The following MTSS1 variants were observed in gnomAD, a reference collection of about 807,000 sequenced individuals.
The protein encoded by MTSS1 is MTSS I-BAR domain containing 1, also known as protein MTSS 1.
MTSS1 carries 18 observed loss-of-function variants against 79.0 expected under a neutral mutation model. The ratio of observed to expected loss-of-function variants is 0.23; its 90% confidence interval spans 0.16 to 0.34. The LOEUF is 0.34. MTSS1 is among the 10% of genes least tolerant of loss of function. The pLI, the probability that MTSS1 is intolerant of heterozygous loss-of-function variation, is 1.00. For synonymous variants in MTSS1, 341 were observed against 368.6 expected (o/e 0.93, Z 0.86); for missense variants, 815 against 986.2 (o/e 0.83, Z 2.33).
intron 3 of MTSS1, among the ~76,000 whole-genome samples, chr8:124,629,494 T>TGACAGAGAGA (rs199730322): frequency 0.3 from 37,977 of 126,522 alleles, 7,618 homozygotes; most frequent in African/African-American, 0.57. Context: ...CCAGCCTGAA[T>TGACAGAGAGA]GACTCCGTCT....
At chr8:124,591,046 T>A in intron 4 of MTSS1, 105 bp downstream of exon 4, 1 of 965,332 alleles carries the variant, frequency 1.0e-6, no homozygotes, top group Non-Finnish European at 1.6e-6. Context: ...ATGAGCCAAG[T>A]CAGACAGATT....
chr8:124,615,908 C>T (rs1836752874), intron 3 of MTSS1, among the ~76,000 whole-genome samples: 1 of 152,054 alleles, frequency 6.6e-6, no homozygotes, highest in African/African-American at 2.4e-5. Context: ...AGGCCAGCAC[C>T]CTTCTCCTGG....
intron 3 of MTSS1, among the ~76,000 whole-genome samples, chr8:124,652,272 C>T (rs982415655): frequency 2.0e-5 from 3 of 152,172 alleles, no homozygotes; most frequent in Non-Finnish European, 2.9e-5. Context: ...CTCCCAGGTT[C>T]AAGTGATTCT....
At chr8:124,559,345 G>A (rs3829034) in intron 10 of MTSS1, among the ~76,000 whole-genome samples, 32,796 of 152,032 alleles carry the variant, frequency 0.22, 3,942 homozygotes, top group East Asian at 0.36. Context: ...CGACTTCCTG[G>A]AGTCTCCTTT....
At chr8:124,568,869 T>A in intron 6 of MTSS1, 2 of 1,425,848 alleles carry the variant, frequency 1.4e-6, no homozygotes, top group Non-Finnish European at 1.8e-6. Context: ...GACAGCATTC[T>A]TTCCTTGCAG....
intron 3 of MTSS1, among the ~76,000 whole-genome samples, chr8:124,657,737 C>G (rs1192396386): frequency 3.3e-5 from 5 of 152,224 alleles, no homozygotes; most frequent in Non-Finnish European, 5.9e-5. Context: ...CCCCCAGGCA[C>G]CTACCTCCCT....
rs117139085 is a variant in MTSS1, at chr8:124,631,999, G to A, written c.209-40764C>T. Among the ~76,000 whole-genome samples, 1,166 of 152,306 alleles carry A rather than the reference G, an allele frequency of 7.7e-3. 15 individuals are homozygous for A. The highest frequency in any genetic ancestry group is 0.014 in the South Asian group (69 of 4,824). ...AGAGGAGAAAAGTTAAGGAGCATCCGGGTGCAGTGGCTCATTCCTGTAAGC... is the reference window on the plus strand; with the variant it reads ...AGAGGAGAAAAGTTAAGGAGCATCCAGGTGCAGTGGCTCATTCCTGTAAGC... On this transcript the variant is annotated intron_variant, in intron 3 of 13. Transcript: ENST00000518547.
intron 3 of MTSS1, among the ~76,000 whole-genome samples, chr8:124,607,884 CTTAA>C (rs1835143504): frequency 6.6e-6 from 1 of 151,578 alleles, no homozygotes; most frequent in African/African-American, 2.4e-5. Context: ...AAAGGGGGGG[CTTAA>C]TTATTACTTA....
At position 124,618,388 on chromosome 8, in the gene MTSS1, G is replaced by T. The variant is rs539946215; in HGVS notation, c.209-27153C>A. On this transcript the variant is annotated intron_variant, in intron 3 of 13. Transcript: ENST00000518547. ...TTTCTGGCCTTCATTCATGCCAAGA[G>T]TAAGCAACTGTTGCATCGTTCCACA... 1.2e-4 allele frequency among the ~76,000 whole-genome samples: 19 copies of T among 152,340 alleles called. No individual in the cohort carries two copies. In the South Asian group the frequency reaches 3.7e-3, roughly 30 times the overall value.
At chr8:124,601,725 G>C (rs929549641) in intron 3 of MTSS1, among the ~76,000 whole-genome samples, 1 of 152,196 alleles carries the variant, frequency 6.6e-6, no homozygotes, top group Non-Finnish European at 1.5e-5. Flanking sequence ...GCAGGGCAAG[G>C]CTGGGTACAC....
intron 3 of MTSS1, among the ~76,000 whole-genome samples, chr8:124,670,906 A>C (rs1250133983): frequency 2.6e-5 from 4 of 152,228 alleles, no homozygotes; most frequent in African/African-American, 9.6e-5. Flanking sequence ...CAGGAGTGCC[A>C]AAAGGCCAGG....
In MTSS1 at chr8:124,683,675, CG is replaced by C. The variant is rs1237082876; in HGVS notation, c.208+15850del. The stretch of plus-strand genomic sequence containing the variant: ...GCTGCAAATCTGTCAAGACACAGGG[CG>C]GGTGGAAACATCAGAAACCATCTTA... On this transcript the variant is annotated intron_variant, in intron 3 of 13. Transcript: ENST00000518547. This position sits in a 1 kb window ranked among gnomAD's most constrained non-coding sequence, Gnocchi z 4.5. Among the ~76,000 whole-genome samples the C allele has an allele frequency of 1.3e-5, 2 of 152,126 alleles. No individual in the cohort carries two copies. Among genetic ancestry groups the C allele is most frequent in the African/African-American group, 4.8e-5 (2 of 41,402 alleles).
intron 6 of MTSS1, chr8:124,580,097 A>G (rs1829747625): frequency 6.4e-6 from 1 of 156,146 alleles, no homozygotes; most frequent in South Asian, 2.0e-4. Flanking sequence ...TCTTGCAGAC[A>G]GGACAAAGTT....
intron 6 of MTSS1, among the ~76,000 whole-genome samples, chr8:124,569,633 C>T (rs4871502): frequency 0.29 from 44,622 of 151,904 alleles, 6,990 homozygotes; most frequent in African/African-American, 0.39. Flanking sequence ...AGAGATACTT[C>T]CTAAACTTCT....
chr8:124,675,253 T>C (rs1457302856), intron 3 of MTSS1, among the ~76,000 whole-genome samples: 1 of 152,196 alleles, frequency 6.6e-6, no homozygotes, highest in Non-Finnish European at 1.5e-5. Flanking sequence ...TGAATAAAGA[T>C]GCATAGAAAA....
intron 3 of MTSS1, among the ~76,000 whole-genome samples, chr8:124,611,329 C>A (rs548329488): frequency 2.6e-5 from 4 of 152,332 alleles, no homozygotes; most frequent in Non-Finnish European, 4.4e-5. Flanking sequence ...AAAGTGGATA[C>A]AAGCCCCACT....
At chr8:124,567,639 T>C (rs1826795044) in intron 7 of MTSS1, 1 of 1,395,896 alleles carries the variant, frequency 7.2e-7, no homozygotes, top group African/African-American at 1.5e-5. Context: ...TTTCTTGTGC[T>C]TTTCCAGCAA....
At chr8:124,621,713 T>C (rs992918260) in intron 3 of MTSS1, among the ~76,000 whole-genome samples, 1 of 152,102 alleles carries the variant, frequency 6.6e-6, no homozygotes, top group Non-Finnish European at 1.5e-5. Flanking sequence ...CACACCTAGC[T>C]AGTTTTTGTA....
At chr8:124,583,550 T>C (rs1283550702) in intron 6 of MTSS1, among the ~76,000 whole-genome samples, 2 of 152,224 alleles carry the variant, frequency 1.3e-5, no homozygotes, top group Non-Finnish European at 2.9e-5. Flanking sequence ...ATGCAGAACT[T>C]AGATAAAAGG....
Sources: gnomAD v4.1 joint callset for allele counts (sites outside exome capture counted in the v4.1 genomes callset) on GRCh38, gnomAD v4.1.1 for gene constraint, Gnocchi (gnomAD v3.1) non-coding constraint, MANE v1.5 for transcripts, NCBI Gene and HGNC (gene_info 2026-07-23, HGNC 2026-07-21) for gene names.